Variants in MCF2L2 observed in about 807,000 individuals in gnomAD.
MCF2L2 encodes the protein MCF.2 cell line derived transforming sequence-like 2, also known as probable guanine nucleotide exchange factor MCF2L2.
In MCF2L2, 102 loss-of-function variants were observed where a neutral mutation model predicts 150.2. That is an observed-to-expected ratio of 0.68 (90% CI 0.58 to 0.80). MCF2L2 has a LOEUF of 0.80. Ranked by LOEUF, MCF2L2 falls within the 30% of genes least tolerant of loss-of-function variation. The pLI is 0.00. For synonymous variants in MCF2L2, 465 were observed against 491.3 expected (o/e 0.95, Z 0.71); for missense variants, 1,256 against 1,372.8 (o/e 0.91, Z 1.34).
intron 3 of MCF2L2, among the ~76,000 whole-genome samples, chr3:183,356,097 C>A (rs1042118270): frequency 6.7e-6 from 1 of 149,748 alleles, no homozygotes; most frequent in Non-Finnish European, 1.5e-5. Context: ...CCTGAAGAAA[C>A]TTCAGACCAT....
At position 183,389,720 on chromosome 3, in the gene MCF2L2, G is replaced by C. The variant is rs144122281; in HGVS notation, c.136C>G (p.His46Asp). ...LMAVEIIEQL[H>D]RQFAILSGGR... ...CCTGAAAGAATGGCAAATTGTCTGT[G>C]AAGTTGTTCTATTATCTCCACCGCC... The change falls in exon 2 of 30, where the codon CAC (histidine) becomes GAC (aspartate). Residue 46 changes from histidine (H) to aspartate (D), a missense_variant. Transcript: ENST00000328913. 6.2e-7 allele frequency: 1 copy of C among 1,613,992 alleles called. No homozygotes were observed. Among genetic ancestry groups the C allele is most frequent in the African/African-American group, 1.3e-5 (1 of 74,932 alleles).
In MCF2L2 at chr3:183,227,393, G is replaced by T. The variant is rs759952069; in HGVS notation, c.2115+904C>A. On this transcript the variant is annotated intron_variant, in intron 18 of 29. Coordinates refer to ENST00000328913, the MANE Select transcript of MCF2L2 (RefSeq NM_015078.4). The surrounding 1 kb of genome is among the most constrained non-coding windows in gnomAD (Gnocchi z 4.0). Reference sequence around the variant, plus strand: ...AAGGGGTAGTTGGAGGTATAATGTTGTAGGCCAAGATGTTCATAAATTGAG... The same window carrying T: ...AAGGGGTAGTTGGAGGTATAATGTTTTAGGCCAAGATGTTCATAAATTGAG... 1 of 152,188 alleles carries T rather than the reference G, an allele frequency of 6.6e-6. No individual in the cohort carries two copies. Among genetic ancestry groups the T allele is most frequent in the Non-Finnish European group, 1.5e-5 (1 of 68,028 alleles). The allele number at this position is 152,188 out of a possible 1,614,324, so 9.4% of individuals were successfully genotyped here.
At chr3:183,404,081 CTG>C (rs35547418) in intron 1 of MCF2L2, among the ~76,000 whole-genome samples, 39,550 of 151,948 alleles carry the variant, frequency 0.26, 6,010 homozygotes, top group Non-Finnish European at 0.36. Context: ...AAACAGAAAA[CTG>C]TAGAATAAAA....
At chr3:183,307,929 C>T (rs1352330572) in intron 10 of MCF2L2, among the ~76,000 whole-genome samples, 1 of 152,230 alleles carries the variant, frequency 6.6e-6, no homozygotes, top group South Asian at 2.1e-4. Flanking sequence ...ACCTGCAGCT[C>T]GCTCTTGCTT....
At chr3:183,216,198 A>G in intron 21 of MCF2L2, 104 bp from the exon 22 acceptor site, 3 of 1,228,640 alleles carry the variant, frequency 2.4e-6, no homozygotes, top group Non-Finnish European at 3.5e-6. Context: ...GCCAACCCTG[A>G]CTGAGAAGGG....
intron 14 of MCF2L2, among the ~76,000 whole-genome samples, chr3:183,278,523 T>C (rs1727295727): frequency 6.6e-6 from 1 of 152,230 alleles, no homozygotes; most frequent in African/African-American, 2.4e-5. Flanking sequence ...TGTTACATTG[T>C]ATCCTTTTGC....
At chr3:183,359,074 T>C (rs561068065) in intron 3 of MCF2L2, among the ~76,000 whole-genome samples, 6 of 151,794 alleles carry the variant, frequency 4.0e-5, no homozygotes, top group Non-Finnish European at 8.8e-5. Context: ...CATTGACAAG[T>C]TTGCCAAGGT....
intron 25 of MCF2L2, among the ~76,000 whole-genome samples, chr3:183,199,783 C>A: frequency 7.8e-6 from 1 of 128,262 alleles, no homozygotes; most frequent in East Asian, 2.8e-4. Flanking sequence ...CCCCTCCCCC[C>A]ACCCCACCAC....
intron 6 of MCF2L2, among the ~76,000 whole-genome samples, chr3:183,318,837 A>G (rs915093624): frequency 1.9e-4 from 29 of 152,228 alleles, no homozygotes; most frequent in Admixed American, 1.7e-3. Flanking sequence ...ATTTCAAAAT[A>G]CTTTATTGTT....
chr3:183,416,749 C>T (rs771410737), intron 1 of MCF2L2, among the ~76,000 whole-genome samples: 1 of 151,838 alleles, frequency 6.6e-6, no homozygotes, highest in Non-Finnish European at 1.5e-5. Context: ...TAAAAAAATA[C>T]AAATTCAAAA....
chr3:183,411,536 T>G (rs980547060), intron 1 of MCF2L2, among the ~76,000 whole-genome samples: 1 of 152,104 alleles, frequency 6.6e-6, no homozygotes, highest in Non-Finnish European at 1.5e-5. Flanking sequence ...TCCTCAATGA[T>G]TTCAAGTATC....
At chr3:183,381,531 A>G (rs1402350123) in intron 2 of MCF2L2, among the ~76,000 whole-genome samples, 1 of 152,204 alleles carries the variant, frequency 6.6e-6, no homozygotes, top group Non-Finnish European at 1.5e-5. Context: ...GGAATGTGTT[A>G]TTGAGCAAAC....
intron 1 of MCF2L2, among the ~76,000 whole-genome samples, chr3:183,393,596 C>A (rs1276832399): frequency 6.6e-6 from 1 of 152,210 alleles, no homozygotes; most frequent in African/African-American, 2.4e-5. Context: ...AAAAACTTGT[C>A]TCTTTTCTAT....
intron 15 of MCF2L2, among the ~76,000 whole-genome samples, chr3:183,261,165 C>A (rs144734451): frequency 1.6e-3 from 242 of 152,276 alleles, no homozygotes; most frequent in Admixed American, 4.9e-3. Context: ...TATTTCTTAA[C>A]ACCGATTATT....
chr3:183,214,693 T>C (rs1253551170), intron 22 of MCF2L2, among the ~76,000 whole-genome samples: 1 of 151,974 alleles, frequency 6.6e-6, no homozygotes, highest in Non-Finnish European at 1.5e-5. Context: ...AGATGTGATG[T>C]AAGAAAAACT....
chr3:183,312,434 G>A (rs1267851154), intron 7 of MCF2L2, among the ~76,000 whole-genome samples: 1 of 152,132 alleles, frequency 6.6e-6, no homozygotes, highest in East Asian at 1.9e-4. Flanking sequence ...GACAGTGCAG[G>A]TCATCATTCG....
At chr3:183,330,201 C>T (rs1730210291) in intron 5 of MCF2L2, among the ~76,000 whole-genome samples, 1 of 133,726 alleles carries the variant, frequency 7.5e-6, no homozygotes, top group Non-Finnish European at 1.5e-5. Flanking sequence ...GCCATGATCA[C>T]ACCACTGCAC....
chr3:183,193,119 A>T (rs748764030), intron 26 of MCF2L2, 23 bp from the exon 27 acceptor site: 1 of 1,592,488 alleles, frequency 6.3e-7, no homozygotes, highest in Non-Finnish European at 8.6e-7. Context: ...AAACATGAAT[A>T]TTGAGTCACT....
intron 3 of MCF2L2, among the ~76,000 whole-genome samples, chr3:183,359,025 T>G (rs970984628): frequency 3.3e-5 from 5 of 151,426 alleles, no homozygotes; most frequent in Non-Finnish European, 7.4e-5. Flanking sequence ...TTTCTGTTTT[T>G]CTTAAATTCT....
Sources: allele counts gnomAD v4.1 joint callset (sites outside exome capture counted in the v4.1 genomes callset), GRCh38; gene constraint gnomAD v4.1.1; non-coding constraint Gnocchi (gnomAD v3.1); transcripts MANE v1.5; gene names NCBI Gene and HGNC (gene_info 2026-07-23, HGNC 2026-07-21).